Variants in MDGA2 observed in about 807,000 individuals in gnomAD.
MDGA2 encodes the protein MAM domain containing glycosylphosphatidylinositol anchor 2.
Under a neutral mutation model 117.8 loss-of-function variants are expected in MDGA2, and 40 were observed. The ratio of observed to expected loss-of-function variants is 0.34; its 90% CI spans 0.26 to 0.44. The LOEUF is 0.44. Ranked by LOEUF, MDGA2 falls within the 20% of genes least tolerant of loss-of-function variation. The pLI is 1.00. For synonymous variants in MDGA2, 452 were observed against 439.0 expected (o/e 1.03, Z -0.37); for missense variants, 1,123 against 1,250.6 (o/e 0.90, Z 1.54).
chr14:47,393,021 C>T (rs1452828927), intron 1 of MDGA2, among the ~76,000 whole-genome samples: 6 of 151,528 alleles, frequency 4.0e-5, no homozygotes, highest in African/African-American at 9.7e-5. Context: ...AGTAATCTTC[C>T]AAAGTCTTAA....
At chr14:47,278,461 G>A (rs1236212237) in intron 2 of MDGA2, among the ~76,000 whole-genome samples, 1 of 151,994 alleles carries the variant, frequency 6.6e-6, no homozygotes, top group East Asian at 1.9e-4. Context: ...TTTTCAGCGA[G>A]ACCAGCTTTC....
chr14:47,520,741 C>A (rs924475159), intron 1 of MDGA2, among the ~76,000 whole-genome samples: 2 of 152,124 alleles, frequency 1.3e-5, no homozygotes, highest in Non-Finnish European at 2.9e-5. Flanking sequence ...TGAATGTACA[C>A]TTTAGAACAC....
chr14:47,670,406 C>T (rs1455853674), intron 1 of MDGA2, among the ~76,000 whole-genome samples: 1 of 152,142 alleles, frequency 6.6e-6, no homozygotes, highest in Non-Finnish European at 1.5e-5. Context: ...AGTAAAATTA[C>T]AGAATATGTC....
At chr14:47,107,056 C>G (rs144914940) in intron 5 of MDGA2, among the ~76,000 whole-genome samples, 1,362 of 128,092 alleles carry the variant, frequency 0.011, 34 homozygotes, top group Admixed American at 0.02. Context: ...TCCACCTCTT[C>G]TATCCCCCCA....
chr14:46,969,062 C>G (rs1886153227), intron 8 of MDGA2, among the ~76,000 whole-genome samples: 1 of 152,160 alleles, frequency 6.6e-6, no homozygotes, highest in Non-Finnish European at 1.5e-5. Flanking sequence ...ATCCATGTCC[C>G]TACAAAGGAC....
rs574646485 is a variant in MDGA2, at chr14:47,235,575, T to G, written c.421-17380A>C. Among the ~76,000 whole-genome samples, 28 of 152,258 alleles carry G rather than the reference T, an allele frequency of 1.8e-4. 1 individual carries two copies. The South Asian group carries it at 5.6e-3, about 30-fold the overall frequency. On this transcript the variant is annotated intron_variant, in intron 2 of 16. Transcript: ENST00000399232. ...TGAAGCAAGGATTAGAGTACTGACA[T>G]TTTCTTTGAGAGGTGCAAGCTCAGG...
intron 1 of MDGA2, among the ~76,000 whole-genome samples, chr14:47,429,283 T>C (rs994689673): frequency 2.8e-4 from 43 of 151,600 alleles, no homozygotes; most frequent in African/African-American, 1.0e-3. Context: ...TGAAGATATA[T>C]ATATATATAC....
intron 1 of MDGA2, among the ~76,000 whole-genome samples, chr14:47,653,082 A>C (rs942411287): frequency 1.8e-5 from 2 of 109,012 alleles, no homozygotes; most frequent in Admixed American, 1.8e-4. Flanking sequence ...TCCCAGTAGA[A>C]CCTCAATATC....
chr14:47,176,283 A>G (rs557019086), intron 3 of MDGA2, among the ~76,000 whole-genome samples: 2 of 152,320 alleles, frequency 1.3e-5, no homozygotes, highest in Admixed American at 1.3e-4. Flanking sequence ...CTTTCTTCAC[A>G]GAAATGAAAA....
Position 47,661,848 on chromosome 14 carries a change from G to A in MDGA2, c.280+12669C>T, listed in dbSNP as rs1897854985. On this transcript the variant is annotated intron_variant, in intron 1 of 16. Coordinates refer to ENST00000399232, the MANE Select transcript of MDGA2 (RefSeq NM_001113498.3). ...CCTCTCAGGTTCAAGGGATTCTCCCGCCTCAGCCTCCCAAGTAGCTGGGAT... is the reference window on the plus strand; with the variant it reads ...CCTCTCAGGTTCAAGGGATTCTCCCACCTCAGCCTCCCAAGTAGCTGGGAT... Among the ~76,000 whole-genome samples, 7 of 135,516 alleles carry A rather than the reference G, an allele frequency of 5.2e-5. No homozygotes were observed. In the South Asian group the frequency reaches 1.0e-3, roughly 20 times the overall value. The allele number at this position is 135,516 out of a possible 152,430, so 88.9% of individuals were successfully genotyped here.
intron 2 of MDGA2, among the ~76,000 whole-genome samples, chr14:47,293,268 C>G (rs1888949316): frequency 6.6e-6 from 1 of 152,184 alleles, no homozygotes; most frequent in African/African-American, 2.4e-5. Context: ...CTCTAGCTCT[C>G]TTACTATAAG....
At chr14:47,399,643 A>G (rs1455668901) in intron 1 of MDGA2, among the ~76,000 whole-genome samples, 7 of 149,308 alleles carry the variant, frequency 4.7e-5, no homozygotes, top group Admixed American at 2.7e-4. Context: ...CAGACTGAAT[A>G]AATGCGTATA....
In MDGA2 at chr14:47,588,261, T is replaced by TAC. The variant is rs67717725; in HGVS notation, c.280+86254_280+86255dup. On this transcript the variant is annotated intron_variant, in intron 1 of 16. Transcript: ENST00000399232. Reference sequence around the variant, plus strand: ...AGATATATATATATATATATATATATACACACACACACACACACACACACA... The same window carrying TAC: ...AGATATATATATATATATATATATATACACACACACACACACACACACACACA... 4.5e-4 allele frequency among the ~76,000 whole-genome samples: 47 copies of TAC among 103,802 alleles called. 1 individual carries two copies. The highest frequency in any genetic ancestry group is 1.5e-3 in the African/African-American group (44 of 29,762). The allele number at this position is 103,802 out of a possible 152,430, so 68.1% of individuals were successfully genotyped here.
At chr14:47,595,469 G>A (rs1461409485) in intron 1 of MDGA2, among the ~76,000 whole-genome samples, 1 of 150,572 alleles carries the variant, frequency 6.6e-6, no homozygotes, top group Non-Finnish European at 1.5e-5. Context: ...GGGAGGTGGA[G>A]GTTTCAGTGA....
intron 1 of MDGA2, among the ~76,000 whole-genome samples, chr14:47,517,655 G>T (rs17118840): frequency 1.3e-5 from 2 of 151,970 alleles, no homozygotes; most frequent in African/African-American, 2.4e-5. Flanking sequence ...AATGAACTTG[G>T]GCAGCTCATA....
At chr14:47,107,859 G>C (rs1880807296) in intron 5 of MDGA2, among the ~76,000 whole-genome samples, 1 of 151,398 alleles carries the variant, frequency 6.6e-6, no homozygotes, top group African/African-American at 2.4e-5. Context: ...AATACTTTTA[G>C]AGGCCCTCAA....
At chr14:47,287,921 G>A (rs1202085036) in intron 2 of MDGA2, among the ~76,000 whole-genome samples, 1 of 152,146 alleles carries the variant, frequency 6.6e-6, no homozygotes, top group African/African-American at 2.4e-5. Flanking sequence ...TGATGAAGCT[G>A]AAAGCCATGG....
chr14:46,969,630 A>T (rs1468363682), intron 8 of MDGA2, among the ~76,000 whole-genome samples: 2 of 150,256 alleles, frequency 1.3e-5, no homozygotes, highest in Non-Finnish European at 3.0e-5. Context: ...GTTTGAGTTC[A>T]TTGTAGATTC....
At chr14:47,632,133 T>C (rs1897256300) in intron 1 of MDGA2, among the ~76,000 whole-genome samples, 2 of 152,148 alleles carry the variant, frequency 1.3e-5, no homozygotes, top group African/African-American at 4.8e-5. Flanking sequence ...AACTGTGCAT[T>C]CATATGTCCT....
Sources: allele counts gnomAD v4.1 joint callset (sites outside exome capture counted in the v4.1 genomes callset), GRCh38; gene constraint gnomAD v4.1.1; transcripts MANE v1.5; gene names NCBI Gene and HGNC (gene_info 2026-07-23, HGNC 2026-07-21).